Variants in LIMCH1 observed in about 807,000 individuals in gnomAD.
LIMCH1 encodes the protein LIM and calponin homology domains 1.
Under a neutral mutation model 176.5 loss-of-function variants are expected in LIMCH1, and 113 were observed. The ratio of observed to expected loss-of-function variants is 0.64; its 90% CI spans 0.55 to 0.75. LIMCH1 has a LOEUF of 0.75. Ranked by LOEUF, LIMCH1 falls within the 30% of genes least tolerant of loss-of-function variation. The probability of loss-of-function intolerance (pLI) is 0.00; values close to 1 mark genes in which losing one functional copy is unlikely to be tolerated. For missense variants in LIMCH1, 1,674 were observed against 1,814.9 expected (o/e 0.92, Z 1.41); for synonymous variants, 619 against 645.9 (o/e 0.96, Z 0.63).
At chr4:41,583,010 C>G (rs557654909) in intron 1 of LIMCH1, among the ~76,000 whole-genome samples, 2 of 152,154 alleles carry the variant, frequency 1.3e-5, no homozygotes, top group African/African-American at 4.8e-5. Context: ...GGTGTTAATA[C>G]GTTTGCATTG....
rs927407435 is a variant in LIMCH1 at position 41,631,471 on chromosome 4, A to G, written c.1595A>G (p.Asp532Gly). 8 of 1,509,072 alleles carry G rather than the reference A, an allele frequency of 5.3e-6. No individual in the cohort carries two copies. The Admixed American group carries it at 1.7e-4, about 32-fold the overall frequency. The allele number at this position is 1,509,072 out of a possible 1,614,324, so 93.5% of individuals were successfully genotyped here. Residue 532 changes from aspartate to glycine, a missense_variant, in exon 10 of 32, where the codon GAC (aspartate) becomes GGC (glycine). By Grantham distance (94) the Asp-to-Gly change is moderately conservative. Coordinates refer to ENST00000503057, the MANE Select transcript of LIMCH1 (RefSeq NM_001330672.2). ...KGHQIFNRQNDCRTMNCGRGD... is the reference protein window; with the variant it reads ...KGHQIFNRQNGCRTMNCGRGD... ...CACCAAATATTTAATCGACAAAATGACTGCAGGTATTTTTTGCCATACGTG... is the reference window on the plus strand; with the variant it reads ...CACCAAATATTTAATCGACAAAATGGCTGCAGGTATTTTTTGCCATACGTG...
At chr4:41,558,442 G>C (rs1014487234) in intron 1 of LIMCH1, among the ~76,000 whole-genome samples, 1 of 152,108 alleles carries the variant, frequency 6.6e-6, no homozygotes, top group South Asian at 2.1e-4. Flanking sequence ...CAAAATCTTT[G>C]TTGGTTCTAT....
At chr4:41,429,836 T>C (rs1334128281) in intron 1 of LIMCH1, among the ~76,000 whole-genome samples, 1 of 151,282 alleles carries the variant, frequency 6.6e-6, no homozygotes, top group African/African-American at 2.4e-5. Flanking sequence ...TAGATGCACG[T>C]TGATAGATAT....
intron 31 of LIMCH1, among the ~76,000 whole-genome samples, chr4:41,696,801 G>T (rs1447176800): frequency 6.6e-6 from 1 of 152,154 alleles, no homozygotes; most frequent in African/African-American, 2.4e-5. Context: ...TGAGAGAAAA[G>T]AGATTATTTT....
At chr4:41,490,138 GA>G (rs2070493558) in intron 1 of LIMCH1, among the ~76,000 whole-genome samples, 1 of 152,076 alleles carries the variant, frequency 6.6e-6, no homozygotes, top group African/African-American at 2.4e-5. Context: ...GGAGCAAATA[GA>G]AAGAGAGGCA....
intron 3 of LIMCH1, among the ~76,000 whole-genome samples, chr4:41,526,783 A>G (rs1561637348): frequency 6.6e-6 from 1 of 152,048 alleles, no homozygotes; most frequent in Admixed American, 6.6e-5. Flanking sequence ...CTGTGCACCT[A>G]TTTCCCAATG....
chr4:41,621,692 G>A (rs2092593354), intron 7 of LIMCH1, among the ~76,000 whole-genome samples: 1 of 151,960 alleles, frequency 6.6e-6, no homozygotes, highest in Non-Finnish European at 1.5e-5. Flanking sequence ...AGTAGAGATG[G>A]GGTTTTACCA....
At chr4:41,440,741 C>T (rs971090949) in intron 1 of LIMCH1, among the ~76,000 whole-genome samples, 3 of 152,180 alleles carry the variant, frequency 2.0e-5, no homozygotes, top group Non-Finnish European at 4.4e-5. Flanking sequence ...CCATGTTGGC[C>T]AACCTGGTCT....
At chr4:41,679,820 T>C (rs1192267324) in intron 23 of LIMCH1, among the ~76,000 whole-genome samples, 186 bp from the exon 24 acceptor site, 1 of 152,230 alleles carries the variant, frequency 6.6e-6, no homozygotes, top group East Asian at 1.9e-4. Context: ...CATTGGATTA[T>C]GTTCCCAAAA....
chr4:41,493,674 C>T (rs894827934), intron 1 of LIMCH1, among the ~76,000 whole-genome samples: 3 of 152,030 alleles, frequency 2.0e-5, no homozygotes, highest in Non-Finnish European at 4.4e-5. Flanking sequence ...AAACCATTCC[C>T]CCATGGATAT....
In LIMCH1 at chr4:41,662,994, A is replaced by G. The variant is rs2152984363; in HGVS notation, c.3291+10A>G. 6.2e-7 allele frequency: 1 copy of G among 1,611,998 alleles called. No individual in the cohort carries two copies. The highest frequency in any genetic ancestry group is 2.2e-5 in the East Asian group (1 of 44,838). On this transcript the variant is annotated intron_variant, in intron 20 of 31. Transcript: ENST00000503057. Reference sequence around the variant, plus strand: ...GGTGCTGTCACAAAAGGTGAAGTGCAGAGTGGAGGAAAGCGGTTAAACCCA... The same window carrying G: ...GGTGCTGTCACAAAAGGTGAAGTGCGGAGTGGAGGAAAGCGGTTAAACCCA...
At chr4:41,470,826 G>A (rs961685278) in intron 1 of LIMCH1, among the ~76,000 whole-genome samples, 2 of 151,844 alleles carry the variant, frequency 1.3e-5, no homozygotes, top group African/African-American at 2.4e-5. Flanking sequence ...GCCTCTGACC[G>A]CATATTTCGT....
chr4:41,430,023 A>G (rs991537642), intron 1 of LIMCH1, among the ~76,000 whole-genome samples: 11 of 152,210 alleles, frequency 7.2e-5, no homozygotes, highest in African/African-American at 2.4e-4. Context: ...ACACAATCCT[A>G]TAATGTTCTT....
At chr4:41,597,082 T>C (rs1386568667) in intron 1 of LIMCH1, among the ~76,000 whole-genome samples, 1 of 152,118 alleles carries the variant, frequency 6.6e-6, no homozygotes, top group Admixed American at 6.6e-5. Context: ...TTCTCAGATA[T>C]AGCCCCCCTG....
intron 1 of LIMCH1, among the ~76,000 whole-genome samples, chr4:41,428,132 G>A (rs907779970): frequency 2.6e-5 from 4 of 152,102 alleles, no homozygotes; most frequent in Non-Finnish European, 4.4e-5. Context: ...GAGGGGTGTC[G>A]ACTTTCTCAT....
At chr4:41,646,363 G>T (rs1297719561) in intron 16 of LIMCH1, 83 bp downstream of exon 16, 6 of 1,513,020 alleles carry the variant, frequency 4.0e-6, no homozygotes, top group East Asian at 2.3e-5. Context: ...TGTCACAAAG[G>T]TTCTGATAGT....
intron 1 of LIMCH1, among the ~76,000 whole-genome samples, chr4:41,460,607 C>A (rs1055874092): frequency 1.3e-5 from 2 of 151,516 alleles, no homozygotes; most frequent in Non-Finnish European, 2.9e-5. Context: ...CAGTATTTTT[C>A]TAATTACTCA....
chr4:41,360,637 C>G, upstream of LIMCH1: 1 of 293,038 alleles, frequency 3.4e-6, no homozygotes. This position sits in a 1 kb window ranked among gnomAD's most constrained non-coding sequence, Gnocchi z 4.5. Flanking sequence ...ACTCACGGCG[C>G]GTTGGAGCCC....
intron 1 of LIMCH1, among the ~76,000 whole-genome samples, chr4:41,380,477 CTT>C (rs942969093): frequency 1.2e-4 from 17 of 143,164 alleles, no homozygotes; most frequent in Admixed American, 1.4e-4. Context: ...TCTTTTCTTT[CTT>C]TTTTTTTTTT....
Sources: allele counts gnomAD v4.1 joint callset (sites outside exome capture counted in the v4.1 genomes callset), GRCh38; gene constraint gnomAD v4.1.1; non-coding constraint Gnocchi (gnomAD v3.1); transcripts MANE v1.5; gene names NCBI Gene and HGNC (gene_info 2026-07-23, HGNC 2026-07-21).